Variants in PTPRK observed in about 807,000 individuals in gnomAD.
PTPRK encodes the protein protein tyrosine phosphatase receptor type K, also known as receptor-type tyrosine-protein phosphatase kappa.
A neutral mutation model predicts 178.0 loss-of-function variants in PTPRK; 75 were observed. The ratio of observed to expected loss-of-function variants is 0.42; its 90% confidence interval spans 0.35 to 0.51. The LOEUF (loss-of-function observed/expected upper bound fraction) is 0.51. Ranked by LOEUF, PTPRK falls within the 20% of genes least tolerant of loss-of-function variation. PTPRK has a pLI of 0.02. For synonymous variants in PTPRK, 637 were observed against 620.6 expected, an observed-to-expected ratio of 1.03 and a Z score of -0.39; for missense variants, 1,441 against 1,797.8, an observed-to-expected ratio of 0.80 and a Z score of 3.59.
At chr6:127,999,979 A>T in intron 15 of PTPRK, 4 of 926,754 alleles carry the variant, frequency 4.3e-6, no homozygotes, top group Non-Finnish European at 5.2e-6. Flanking sequence ...AAGAACAAGA[A>T]CATTTTTGCC....
intron 1 of PTPRK, among the ~76,000 whole-genome samples, chr6:128,471,153 A>T (rs1850597015): frequency 6.6e-6 from 1 of 152,074 alleles, no homozygotes; most frequent in African/African-American, 2.4e-5. Flanking sequence ...GGAGAAAATG[A>T]TAGTCATGGC....
chr6:128,179,973 A>G (rs994788336), intron 7 of PTPRK, among the ~76,000 whole-genome samples: 5 of 152,046 alleles, frequency 3.3e-5, no homozygotes, highest in Non-Finnish European at 5.9e-5. Context: ...TTCACTGAAA[A>G]TTGCCAAGAG....
At chr6:128,070,315 G>GC (rs938095528) in intron 11 of PTPRK, among the ~76,000 whole-genome samples, 7 of 151,870 alleles carry the variant, frequency 4.6e-5, no homozygotes, top group African/African-American at 1.7e-4. Context: ...GAATATTTGT[G>GC]CCCCCTCCCC....
intron 1 of PTPRK, among the ~76,000 whole-genome samples, chr6:128,515,632 C>T (rs1473455181): frequency 6.6e-6 from 1 of 152,172 alleles, no homozygotes; most frequent in Non-Finnish European, 1.5e-5. Context: ...TACCATAGGA[C>T]TTTTTTCCTC....
At chr6:128,472,420 A>ACCCC (rs11299646) in intron 1 of PTPRK, among the ~76,000 whole-genome samples, 1 of 117,770 alleles carries the variant, frequency 8.5e-6, no homozygotes, top group African/African-American at 2.9e-5. Context: ...AATTTTTGAC[A>ACCCC]CCCCCCCCCC....
intron 7 of PTPRK, among the ~76,000 whole-genome samples, chr6:128,133,875 G>C (rs889937885): frequency 2.6e-5 from 4 of 151,966 alleles, no homozygotes; most frequent in African/African-American, 9.7e-5. Context: ...TAAACAACAA[G>C]AAATACACTG....
intron 1 of PTPRK, among the ~76,000 whole-genome samples, chr6:128,454,158 C>A (rs1040604686): frequency 4.6e-5 from 7 of 152,268 alleles, no homozygotes; most frequent in Non-Finnish European, 8.8e-5. Flanking sequence ...CAGAAGACAG[C>A]TTCTATGAAC....
intron 1 of PTPRK, among the ~76,000 whole-genome samples, chr6:128,412,977 A>G (rs1027356275): frequency 2.0e-5 from 3 of 152,194 alleles, no homozygotes; most frequent in Non-Finnish European, 4.4e-5. Context: ...TACAAGTGAG[A>G]AACTGTTGGG....
chr6:128,008,835 AAATATAAG>A (rs1243517150), intron 14 of PTPRK, among the ~76,000 whole-genome samples: 3 of 151,148 alleles, frequency 2.0e-5, no homozygotes, highest in Non-Finnish European at 4.5e-5. Context: ...ATAACACTTC[AAATATAAG>A]ATAAATGATC....
intron 8 of PTPRK, among the ~76,000 whole-genome samples, chr6:128,087,689 G>T (rs1786142847): frequency 6.6e-6 from 1 of 152,002 alleles, no homozygotes; most frequent in Admixed American, 6.6e-5. Flanking sequence ...ATCATGTTTG[G>T]TTACCTCAAA....
intron 2 of PTPRK, among the ~76,000 whole-genome samples, chr6:128,383,296 T>A (rs1838211369): frequency 6.6e-6 from 1 of 152,086 alleles, no homozygotes; most frequent in Admixed American, 6.5e-5. Flanking sequence ...AGATCTAAAC[T>A]TCCAAAGATT....
chr6:128,137,239 C>T (rs1438522184), intron 7 of PTPRK, among the ~76,000 whole-genome samples: 1 of 152,122 alleles, frequency 6.6e-6, no homozygotes, highest in Non-Finnish European at 1.5e-5. Context: ...TTTAAAGAAA[C>T]CTTTTATTTT....
At chr6:128,506,325 A>C (rs934003828) in intron 1 of PTPRK, among the ~76,000 whole-genome samples, 9 of 152,140 alleles carry the variant, frequency 5.9e-5, no homozygotes, top group African/African-American at 2.2e-4. Context: ...CCTTATTCCC[A>C]ATTTAGAATT....
rs539779802 is a variant in PTPRK at position 128,246,322 on chromosome 6, C to A, written c.496-3720G>T. Among the ~76,000 whole-genome samples, 3 of 151,880 alleles carry A rather than the reference C, an allele frequency of 2.0e-5. No individual in the cohort carries two copies. In the South Asian group the frequency reaches 6.2e-4, roughly 32 times the overall value. On this transcript the variant is annotated intron_variant, in intron 3 of 29. Transcript: ENST00000368226. ...GTTGTTTAACTTCTTGTACTTTAAA[C>A]AAGATTACTACACCCCTGAGAAAAA...
At chr6:128,426,632 T>C (rs1485694349) in intron 1 of PTPRK, among the ~76,000 whole-genome samples, 1 of 152,236 alleles carries the variant, frequency 6.6e-6, no homozygotes, top group Non-Finnish European at 1.5e-5. Flanking sequence ...GAACAAGATG[T>C]AACATTTTCA....
At chr6:128,317,283 T>C (rs969791723) in intron 3 of PTPRK, among the ~76,000 whole-genome samples, 2 of 152,148 alleles carry the variant, frequency 1.3e-5, no homozygotes, top group African/African-American at 2.4e-5. Flanking sequence ...GTTCAAATAT[T>C]AATACAAGTA....
Position 128,134,704 on chromosome 6 carries a change from G to A in PTPRK, c.1163-44712C>T, listed in dbSNP as rs894461082. Among the ~76,000 whole-genome samples the A allele has an allele frequency of 4.6e-5, 7 of 152,086 alleles. No homozygotes were observed. The East Asian group carries it at 9.6e-4, about 21-fold the overall frequency. ...TGCACACCTATAGTCCCAGCTATTC[G>A]AGAGGCTGAAGTGGGTGGAGTGCTT... is the stretch of plus-strand genomic sequence containing the variant. On this transcript the variant is annotated intron_variant, in intron 7 of 29. Coordinates refer to ENST00000368226, the MANE Select transcript of PTPRK (RefSeq NM_002844.4).
At chr6:128,331,153 G>A (rs1269231592) in intron 2 of PTPRK, among the ~76,000 whole-genome samples, 1 of 152,164 alleles carries the variant, frequency 6.6e-6, no homozygotes, top group Non-Finnish European at 1.5e-5. Context: ...GGGATTTCAT[G>A]TATGTTGTTC....
In PTPRK at chr6:127,970,175, T is replaced by C. The variant is rs1201251498; in HGVS notation, c.*52A>G. Reference sequence around the variant, plus strand: ...TGTAACAGGTACAACAGCTGCTGGCTCAATAGATGGACAGGTTTCTTCATG... The same window carrying C: ...TGTAACAGGTACAACAGCTGCTGGCCCAATAGATGGACAGGTTTCTTCATG... On this transcript the variant is annotated 3_prime_UTR_variant, in exon 30 of 30. Coordinates refer to ENST00000368226, the MANE Select transcript of PTPRK (RefSeq NM_002844.4). The C allele has an allele frequency of 1.4e-6, 2 of 1,442,622 alleles. No homozygotes were observed. Among genetic ancestry groups the C allele is most frequent in the East Asian group, 4.7e-5 (2 of 42,300 alleles). The allele number at this position is 1,442,622 out of a possible 1,614,324, so 89.4% of individuals were successfully genotyped here.
Sources: allele counts gnomAD v4.1 joint callset (sites outside exome capture counted in the v4.1 genomes callset), GRCh38; gene constraint gnomAD v4.1.1; transcripts MANE v1.5; gene names NCBI Gene and HGNC (gene_info 2026-07-23, HGNC 2026-07-21).